FRMPD2: variants seen among roughly 807,000 people sequenced by gnomAD.
FRMPD2 encodes FERM and PDZ domain-containing protein 2.
Under a neutral mutation model 140.1 loss-of-function variants are expected in FRMPD2, and 96 were observed. That is an observed-to-expected ratio of 0.69 (90% CI 0.58 to 0.81). The LOEUF (loss-of-function observed/expected upper bound fraction) is 0.81. Among genes scored for constraint, FRMPD2 ranks in the 40% least tolerant of loss-of-function variants. The pLI is 0.00. For missense variants in FRMPD2, 1,240 were observed against 1,447.4 expected (o/e 0.86, Z 2.32); for synonymous variants, 449 against 547.6 (o/e 0.82, Z 2.52).
At chr10:48,183,854 A>C (rs938750112) in intron 20 of FRMPD2, among the ~76,000 whole-genome samples, 13 of 150,318 alleles carry the variant, frequency 8.6e-5, no homozygotes, top group Non-Finnish European at 1.5e-4. Flanking sequence ...TCCATCTCAA[A>C]AAAAAAAAAG....
At position 48,232,127 on chromosome 10, in the gene FRMPD2, C is replaced by A; in HGVS notation, c.1156G>T (p.Ala386Ser). ...NLEELTYFGL[A>S]YMKSKEFFFL... The stretch of plus-strand genomic sequence containing the variant: ...AAGAGATGCTTACTTTTCATATACG[C>A]CAAGCCAAAGTAGGTGAGTTCCTCG... The change falls in exon 10 of 29, where the codon GCG becomes TCG. Residue 386 changes from alanine to serine, a missense_variant. By Grantham distance (99) the Ala-to-Ser change is moderately conservative. Transcript: ENST00000374201. 6.2e-7 allele frequency: 1 copy of A among 1,614,170 alleles called. No individual in the cohort carries two copies. Among genetic ancestry groups the A allele is most frequent in the Non-Finnish European group, 8.5e-7 (1 of 1,180,034 alleles).
At chr10:48,193,179 C>T (rs1453731455) in intron 15 of FRMPD2, among the ~76,000 whole-genome samples, 1 of 152,196 alleles carries the variant, frequency 6.6e-6, no homozygotes, top group African/African-American at 2.4e-5. Flanking sequence ...GGGTGCTAAC[C>T]CTAGAGTATT....
At chr10:48,221,605 A>G (rs1181567546) in intron 12 of FRMPD2, among the ~76,000 whole-genome samples, 1 of 152,210 alleles carries the variant, frequency 6.6e-6, no homozygotes, top group Non-Finnish European at 1.5e-5. Flanking sequence ...AAATTAATAT[A>G]AATAAATTTT....
At chr10:48,219,757 T>C (rs1053854896) in intron 12 of FRMPD2, among the ~76,000 whole-genome samples, 3 of 152,344 alleles carry the variant, frequency 2.0e-5, no homozygotes, top group South Asian at 4.1e-4. Context: ...ACTAACACTA[T>C]TAACTCCCTG....
At chr10:48,210,007 T>C (rs1456495396) in intron 13 of FRMPD2, among the ~76,000 whole-genome samples, 1 of 152,168 alleles carries the variant, frequency 6.6e-6, no homozygotes, top group Non-Finnish European at 1.5e-5. Flanking sequence ...TAAATATATA[T>C]GCATATACAT....
At chr10:48,203,867 T>G (rs962707795) in intron 14 of FRMPD2, among the ~76,000 whole-genome samples, 6 of 152,136 alleles carry the variant, frequency 3.9e-5, no homozygotes, top group Admixed American at 3.9e-4. Context: ...AGACACACCC[T>G]CCTTGCCACG....
chr10:48,272,262 T>C (rs1840782612), intron 1 of FRMPD2, among the ~76,000 whole-genome samples: 1 of 152,206 alleles, frequency 6.6e-6, no homozygotes, highest in African/African-American at 2.4e-5. Context: ...TGTATTCTGC[T>C]CCTTAAACCT....
chr10:48,260,245 T>C (rs1186495757), intron 1 of FRMPD2, among the ~76,000 whole-genome samples: 1 of 152,102 alleles, frequency 6.6e-6, no homozygotes, highest in Non-Finnish European at 1.5e-5. Context: ...AGATATCTTA[T>C]ATATTATAGA....
At chr10:48,184,477 T>C in intron 20 of FRMPD2, 89 bp downstream of exon 20, 1 of 787,560 alleles carries the variant, frequency 1.3e-6, no homozygotes, top group South Asian at 1.6e-5. Flanking sequence ...AAGACCTACG[T>C]GGACTTCAAG....
intron 23 of FRMPD2, among the ~76,000 whole-genome samples, chr10:48,175,468 G>GA (rs1426475356): frequency 7.9e-5 from 12 of 151,900 alleles, no homozygotes; most frequent in African/African-American, 2.9e-4. Flanking sequence ...AGTGGGAGCT[G>GA]AGCAAGGGCA....
At chr10:48,239,983 A>G (rs1840065523) in intron 6 of FRMPD2, among the ~76,000 whole-genome samples, 1 of 152,244 alleles carries the variant, frequency 6.6e-6, no homozygotes, top group African/African-American at 2.4e-5. Flanking sequence ...TTAGTTGAAA[A>G]GTAGAGAACA....
At chr10:48,217,869 G>A (rs1488754355) in intron 12 of FRMPD2, among the ~76,000 whole-genome samples, 6 of 152,310 alleles carry the variant, frequency 3.9e-5, no homozygotes, top group South Asian at 4.1e-4. Flanking sequence ...AGAACTCTGC[G>A]AAGGTGTCCA....
At chr10:48,242,015 G>A (rs1480809245) in intron 5 of FRMPD2, 146 bp downstream of exon 5, 7 of 561,924 alleles carry the variant, frequency 1.2e-5, no homozygotes, top group African/African-American at 1.9e-5. Flanking sequence ...GCTACGAGTG[G>A]CAACGGAGCA....
intron 20 of FRMPD2, among the ~76,000 whole-genome samples, chr10:48,182,170 G>C (rs1838568254): frequency 6.6e-6 from 1 of 152,100 alleles, no homozygotes. Context: ...CAAATCTAAA[G>C]GTATCCAGCA....
At chr10:48,225,606 G>A (rs760680463) in intron 10 of FRMPD2, among the ~76,000 whole-genome samples, 3 of 152,188 alleles carry the variant, frequency 2.0e-5, no homozygotes, top group Non-Finnish European at 2.9e-5. Flanking sequence ...TAGTCCTCTA[G>A]AACATGCATA....
intron 10 of FRMPD2, among the ~76,000 whole-genome samples, chr10:48,227,554 G>A (rs958176595): frequency 1.3e-5 from 2 of 152,192 alleles, no homozygotes; most frequent in Non-Finnish European, 1.5e-5. Context: ...TGGATCTCGA[G>A]GGGGGTACTG....
intron 28 of FRMPD2, among the ~76,000 whole-genome samples, chr10:48,159,778 T>A (rs1588795198): frequency 6.6e-6 from 1 of 151,790 alleles, no homozygotes; most frequent in East Asian, 1.9e-4. Flanking sequence ...TTTAATGATA[T>A]GTGCTAGGCA....
intron 25 of FRMPD2, 120 bp from the exon 26 acceptor site, chr10:48,171,328 T>C: frequency 1.3e-6 from 1 of 748,844 alleles, no homozygotes; most frequent in Non-Finnish European, 2.4e-6. Flanking sequence ...AATAATTCCT[T>C]TGCTAATTTT....
rs186042275 is a variant in FRMPD2, at chr10:48,191,888, G to A, written c.2165+796C>T. Among the ~76,000 whole-genome samples, 83 of 152,296 alleles carry A rather than the reference G, an allele frequency of 5.4e-4. 1 individual carries two copies. The highest frequency in any genetic ancestry group is 4.1e-4 in the Non-Finnish European group (28 of 68,026). ...GAAACTCATCAATAGGAAAGGTAGC[G>A]TGGTGTAGAGGTTAGGAGCTGGACT... On this transcript the variant is annotated intron_variant, in intron 16 of 28. Coordinates refer to ENST00000374201, the MANE Select transcript of FRMPD2 (RefSeq NM_001018071.4).
Sources: gnomAD v4.1 joint callset for allele counts (sites outside exome capture counted in the v4.1 genomes callset) on GRCh38, gnomAD v4.1.1 for gene constraint, MANE v1.5 for transcripts, NCBI Gene and HGNC (gene_info 2026-07-23, HGNC 2026-07-21) for gene names.